CEP135: variants seen among roughly 807,000 people sequenced by gnomAD.
The protein encoded by CEP135 is centrosomal protein 135, also known as centrosomal protein of 135 kDa.
In CEP135, 142 loss-of-function variants were observed where a neutral mutation model predicts 157.3. The ratio of observed to expected loss-of-function variants is 0.90; its 90% confidence interval spans 0.79 to 1.04. The LOEUF (loss-of-function observed/expected upper bound fraction) is 1.04. CEP135 is among the 50% of genes least tolerant of loss of function. The pLI, the probability that CEP135 is intolerant of heterozygous loss-of-function variation, is 0.00. For missense variants in CEP135, 1,317 were observed against 1,309.2 expected, an observed-to-expected ratio of 1.01 and a Z score of -0.09; for synonymous variants, 396 against 439.8, an observed-to-expected ratio of 0.90 and a Z score of 1.25.
At chr4:56,029,863 T>A (rs1468896735) in intron 25 of CEP135, among the ~76,000 whole-genome samples, 2 of 152,154 alleles carry the variant, frequency 1.3e-5, no homozygotes, top group African/African-American at 4.8e-5. Context: ...TTGCTCTGGG[T>A]GAGTCAGTGA....
intron 24 of CEP135, among the ~76,000 whole-genome samples, chr4:56,022,304 G>A (rs1730997821): frequency 1.3e-5 from 2 of 152,070 alleles, no homozygotes; most frequent in South Asian, 4.2e-4. Context: ...TGTCTTTCTT[G>A]CTCTTTACTA....
intron 21 of CEP135, among the ~76,000 whole-genome samples, chr4:56,016,407 G>A (rs1456430574): frequency 6.6e-6 from 1 of 152,102 alleles, no homozygotes; most frequent in Non-Finnish European, 1.5e-5. Flanking sequence ...ACTAATTAAA[G>A]GAGTGCCTTT....
In CEP135 at chr4:55,954,386, A is replaced by G. The variant is rs753075706; in HGVS notation, c.472+3A>G. On this transcript the variant is annotated splice_donor_region_variant and intron_variant, in intron 4 of 25. Transcript: ENST00000257287. Reference sequence around the variant, plus strand: ...GCATGCTGTAGTACAAACTCCAGGTAAATCGATTCCTTCTCGAGACAAATT... The same window carrying G: ...GCATGCTGTAGTACAAACTCCAGGTGAATCGATTCCTTCTCGAGACAAATT... 1 of 1,585,350 alleles carries G rather than the reference A, an allele frequency of 6.3e-7. No homozygotes were observed. The highest frequency in any genetic ancestry group is 1.9e-5 in the Admixed American group (1 of 52,440).
chr4:55,964,936 G>A (rs529560267), intron 7 of CEP135: 1 of 151,996 alleles, frequency 6.6e-6, no homozygotes, highest in Non-Finnish European at 1.5e-5. Flanking sequence ...AAGGCTGAAA[G>A]AGCAGGAGAG....
In CEP135 at chr4:56,012,596, G is replaced by A. The variant is rs1019583197; in HGVS notation, c.2802+611G>A. 1.2e-4 allele frequency among the ~76,000 whole-genome samples: 18 copies of A among 152,136 alleles called. No individual in the cohort carries two copies. The East Asian group carries it at 2.7e-3, about 23-fold the overall frequency. ...TTCTGCTTTCTGTCACTATGAATTC[G>A]ATTACTCTAGATACCTCATATAGTG... On this transcript the variant is annotated intron_variant, in intron 21 of 25. Coordinates refer to ENST00000257287, the MANE Select transcript of CEP135 (RefSeq NM_025009.5).
chr4:55,992,926 G>C (rs1729841831), intron 15 of CEP135, among the ~76,000 whole-genome samples: 1 of 152,150 alleles, frequency 6.6e-6, no homozygotes, highest in South Asian at 2.1e-4. Context: ...GTCGGAATAA[G>C]GGGACCGCTC....
At chr4:55,954,906 C>T (rs1170439455) in intron 4 of CEP135, among the ~76,000 whole-genome samples, 1 of 152,086 alleles carries the variant, frequency 6.6e-6, no homozygotes, top group African/African-American at 2.4e-5. Flanking sequence ...CGTGATGAAA[C>T]CCCACCTCTA....
rs368938371 is a variant in CEP135 at position 56,012,799 on chromosome 4, A to G, written c.2802+814A>G. Among the ~76,000 whole-genome samples, 8 of 152,304 alleles carry G rather than the reference A, an allele frequency of 5.3e-5. No homozygotes were observed. In the South Asian group the frequency reaches 1.7e-3, roughly 32 times the overall value. The stretch of plus-strand genomic sequence containing the variant: ...TGTTTAGCCATTCCTCTGTCAATGG[A>G]CATTTGATTTGTTTCTACCTTTTGG... On this transcript the variant is annotated intron_variant, in intron 21 of 25. Coordinates refer to ENST00000257287, the MANE Select transcript of CEP135 (RefSeq NM_025009.5).
rs761198103 is a variant in CEP135 at position 56,009,700 on chromosome 4, TTTTC to T, written c.2337-31_2337-28del. The stretch of plus-strand genomic sequence containing the variant: ...TTAAATGAACTACAGTTTTTAAAAG[TTTTC>T]TTTATTAGTTTCACATCACTCATTT... On this transcript the variant is annotated intron_variant, in intron 18 of 25. Transcript: ENST00000257287. 1.6e-5 allele frequency: 25 copies of T among 1,570,530 alleles called. No homozygotes were observed. The African/African-American group carries it at 2.5e-4, about 16-fold the overall frequency.
At chr4:55,970,486 T>C (rs1577875012) in intron 9 of CEP135, among the ~76,000 whole-genome samples, 2 of 152,230 alleles carry the variant, frequency 1.3e-5, no homozygotes, top group East Asian at 3.8e-4. Context: ...ATACTTTTTA[T>C]ACAGTCTAGC....
intron 25 of CEP135, among the ~76,000 whole-genome samples, chr4:56,025,436 C>T (rs1239334851): frequency 6.6e-6 from 1 of 152,070 alleles, no homozygotes; most frequent in Non-Finnish European, 1.5e-5. Context: ...AACAGTAGTA[C>T]ACATGGTACA....
intron 24 of CEP135, among the ~76,000 whole-genome samples, chr4:56,021,253 A>G (rs1730965135): frequency 6.6e-6 from 1 of 152,176 alleles, no homozygotes; most frequent in Admixed American, 6.5e-5. Flanking sequence ...TGTGGACCAG[A>G]CACTATATAA....
chr4:56,026,633 G>C (rs1192931940), intron 25 of CEP135, among the ~76,000 whole-genome samples: 3 of 152,166 alleles, frequency 2.0e-5, no homozygotes, highest in Non-Finnish European at 4.4e-5. Flanking sequence ...TACAAATAGT[G>C]CTATGGTTAT....
intron 11 of CEP135, among the ~76,000 whole-genome samples, chr4:55,977,789 T>A (rs567294147): frequency 6.6e-6 from 1 of 152,222 alleles, no homozygotes; most frequent in African/African-American, 2.4e-5. Context: ...CCAGACTAAC[T>A]GAAACTATGC....
chr4:56,006,689 T>G (rs1730357312), intron 17 of CEP135, among the ~76,000 whole-genome samples: 1 of 152,212 alleles, frequency 6.6e-6, no homozygotes, highest in South Asian at 2.1e-4. Context: ...ATCACTGAAT[T>G]TCCTTGATAC....
chr4:56,011,893 A>T lies in CEP135; in HGVS notation c.2710A>T (p.Ser904Cys), dbSNP rs749897415. The change falls in exon 21 of 26, where the codon AGC becomes TGC. Residue 904 changes from serine to cysteine, a missense_variant. Coordinates refer to ENST00000257287, the MANE Select transcript of CEP135 (RefSeq NM_025009.5). ...CAAAGCCCATCAAGCTGAGGGAGAA[A>T]GCAGCTCAGTTCGACTGGAACTTCT... ...EVKAHQAEGE[S>C]SSVRLELLSI... 1 of 1,607,270 alleles carries T rather than the reference A, an allele frequency of 6.2e-7. No homozygotes were observed. The highest frequency in any genetic ancestry group is 8.5e-7 in the Non-Finnish European group (1 of 1,176,580).
intron 7 of CEP135, chr4:55,965,155 C>CA (rs1214937908): frequency 3.9e-5 from 6 of 152,218 alleles, no homozygotes; most frequent in Admixed American, 3.9e-4. Context: ...TTAATTGTAA[C>CA]AATATATTTA....
chr4:55,953,348 C>CT, intron 3 of CEP135, 73 bp downstream of exon 3: 1 of 1,145,258 alleles, frequency 8.7e-7, no homozygotes, highest in East Asian at 2.6e-5. Context: ...AAGCTAACGT[C>CT]TAATTTTAAA....
At chr4:56,018,394 G>T (rs1246118001) in intron 22 of CEP135, among the ~76,000 whole-genome samples, 9 of 152,144 alleles carry the variant, frequency 5.9e-5, no homozygotes. Flanking sequence ...GGAATAGATG[G>T]CTATCTAGGA....
Sources: gnomAD v4.1 joint callset for allele counts (sites outside exome capture counted in the v4.1 genomes callset) on GRCh38, gnomAD v4.1.1 for gene constraint, MANE v1.5 for transcripts, NCBI Gene and HGNC (gene_info 2026-07-23, HGNC 2026-07-21) for gene names.